Variants in COL5A2 observed in about 807,000 individuals in gnomAD.
The protein encoded by COL5A2 is collagen alpha-2(V) chain.
In COL5A2, 23 loss-of-function variants were observed where a neutral mutation model predicts 208.2. The observed-to-expected ratio is 0.11, with a 90% confidence interval of 0.08 to 0.16. The LOEUF (loss-of-function observed/expected upper bound fraction) is 0.16. COL5A2 is among the 10% of genes least tolerant of loss of function. The pLI, the probability that COL5A2 is intolerant of heterozygous loss-of-function variation, is 1.00. For synonymous variants in COL5A2, 625 were observed against 628.5 expected (o/e 0.99, Z 0.08); for missense variants, 1,590 against 1,956.4 (o/e 0.81, Z 3.53).
intron 47 of COL5A2, among the ~76,000 whole-genome samples, chr2:189,043,670 CGTGT>C (rs1048765421): frequency 1.1e-4 from 16 of 151,960 alleles, no homozygotes; most frequent in Non-Finnish European, 1.9e-4. Context: ...TCATACTTGC[CGTGT>C]GTAACAATGA....
chr2:189,265,151 A>T, the COL5A2 span, among the ~76,000 whole-genome samples: 1 of 152,184 alleles, frequency 6.6e-6, no homozygotes, highest in Admixed American at 6.6e-5. Flanking sequence ...AAACTCTTGG[A>T]AGGAAGCATA....
intron 49 of COL5A2, among the ~76,000 whole-genome samples, chr2:189,042,184 C>T (rs551260539): frequency 6.6e-6 from 1 of 151,962 alleles, no homozygotes; most frequent in Non-Finnish European, 1.5e-5. Flanking sequence ...TTCTATTTTC[C>T]TAAATAATTA....
At chr2:189,403,472 G>C in the COL5A2 span, among the ~76,000 whole-genome samples, 2 of 152,168 alleles carry the variant, frequency 1.3e-5, no homozygotes, top group East Asian at 1.9e-4. Flanking sequence ...GGAGTGGTGA[G>C]AGAAGGCATC....
chr2:189,303,840 T>C, the COL5A2 span, among the ~76,000 whole-genome samples: 64 of 152,342 alleles, frequency 4.2e-4, no homozygotes, highest in African/African-American at 1.5e-3. Flanking sequence ...AAATCTGTTC[T>C]GACCACGAGG....
At position 189,034,236 on chromosome 2, in the gene COL5A2, T is replaced by C. The variant is rs568113641; in HGVS notation, c.4354-20A>G. On this transcript the variant is annotated intron_variant, in intron 53 of 53. Coordinates refer to ENST00000374866, the MANE Select transcript of COL5A2 (RefSeq NM_000393.5). ...CCGCTTCTGAAATTAAATGATGCAA[T>C]GGGTTAAATGTACATACAATTTTTT... 3.7e-5 allele frequency: 59 copies of C among 1,613,664 alleles called. No individual in the cohort carries two copies. The Admixed American group carries it at 4.3e-4, about 12-fold the overall frequency.
intron 1 of COL5A2, among the ~76,000 whole-genome samples, chr2:189,130,650 T>C (rs1687691690): frequency 6.6e-6 from 1 of 151,668 alleles, no homozygotes; most frequent in Non-Finnish European, 1.5e-5. Flanking sequence ...CCACCTTGGC[T>C]CTGAAAAGAT....
intron 1 of COL5A2, among the ~76,000 whole-genome samples, chr2:189,119,010 C>T (rs1375008987): frequency 6.6e-6 from 1 of 151,766 alleles, no homozygotes; most frequent in Non-Finnish European, 1.5e-5. Flanking sequence ...TTAGTTTATC[C>T]CTTATAATGT....
At chr2:189,208,697 G>A (rs1023699392) in intron 1 of COL5A2, among the ~76,000 whole-genome samples, 3 of 152,216 alleles carry the variant, frequency 2.0e-5, no homozygotes, top group African/African-American at 7.2e-5. Context: ...CACTGGATGT[G>A]AAAGTTAAGG....
chr2:189,080,661 A>G (rs1253601425), intron 13 of COL5A2, among the ~76,000 whole-genome samples: 1 of 152,118 alleles, frequency 6.6e-6, no homozygotes, highest in Non-Finnish European at 1.5e-5. Flanking sequence ...CTATTACACT[A>G]TACAGGAATT....
At chr2:189,133,849 G>T (rs1687773853) in intron 1 of COL5A2, among the ~76,000 whole-genome samples, 1 of 152,076 alleles carries the variant, frequency 6.6e-6, no homozygotes, top group Non-Finnish European at 1.5e-5. Flanking sequence ...ACCATATCCT[G>T]CTCTGAATGA....
chr2:189,326,644 T>G, the COL5A2 span, among the ~76,000 whole-genome samples: 3 of 151,904 alleles, frequency 2.0e-5, no homozygotes, highest in Non-Finnish European at 1.5e-5. Flanking sequence ...AGTAAGCCAA[T>G]CACACCATTG....
intron 1 of COL5A2, among the ~76,000 whole-genome samples, chr2:189,138,039 A>C (rs1687858673): frequency 6.6e-6 from 1 of 152,126 alleles, no homozygotes; most frequent in Non-Finnish European, 1.5e-5. Context: ...CAGTGGCATG[A>C]TGTCGGCTCA....
At chr2:189,402,636 A>T in the COL5A2 span, among the ~76,000 whole-genome samples, 2 of 152,204 alleles carry the variant, frequency 1.3e-5, no homozygotes, top group Admixed American at 6.5e-5. Flanking sequence ...TCCCAGCACC[A>T]TTTATTAAAT....
chr2:189,259,526 CCT>C, the COL5A2 span, among the ~76,000 whole-genome samples: 14 of 152,178 alleles, frequency 9.2e-5, no homozygotes, highest in Middle Eastern at 6.8e-3. Flanking sequence ...TTAATTATCC[CCT>C]GTCAGTGTCT....
chr2:189,217,684 G>C (rs1689296593), intron 1 of COL5A2, among the ~76,000 whole-genome samples: 1 of 152,096 alleles, frequency 6.6e-6, no homozygotes, highest in Non-Finnish European at 1.5e-5. Context: ...CTTCCAAAAG[G>C]GAATTGCAAT....
At chr2:189,276,353 A>G in the COL5A2 span, among the ~76,000 whole-genome samples, 1 of 152,188 alleles carries the variant, frequency 6.6e-6, no homozygotes, top group African/African-American at 2.4e-5. Flanking sequence ...ACCACATGCT[A>G]TTTAATGTCA....
the COL5A2 span, among the ~76,000 whole-genome samples, chr2:189,415,991 A>T: frequency 6.6e-6 from 1 of 152,196 alleles, no homozygotes; most frequent in African/African-American, 2.4e-5. Context: ...ACATAAAAGT[A>T]ACTGTTTGTT....
At chr2:189,339,576 T>C in the COL5A2 span, among the ~76,000 whole-genome samples, 1 of 152,164 alleles carries the variant, frequency 6.6e-6, no homozygotes, top group South Asian at 2.1e-4. Context: ...GAAGGCTTTA[T>C]TCAGATGCTG....
At chr2:189,100,726 CCT>C (rs1687031323) in intron 3 of COL5A2, among the ~76,000 whole-genome samples, 2 of 151,396 alleles carry the variant, frequency 1.3e-5, no homozygotes, top group African/African-American at 4.9e-5. Context: ...ATTCTCAATA[CCT>C]GAAGAAAATC....
Sources: allele counts gnomAD v4.1 joint callset (sites outside exome capture counted in the v4.1 genomes callset), GRCh38; gene constraint gnomAD v4.1.1; transcripts MANE v1.5; gene names NCBI Gene and HGNC (gene_info 2026-07-23, HGNC 2026-07-21).